Variants in MCF2L2 observed in about 807,000 individuals in gnomAD.
MCF2L2 encodes probable guanine nucleotide exchange factor MCF2L2.
MCF2L2 carries 102 observed loss-of-function variants against 150.2 expected under a neutral mutation model. The ratio of observed to expected loss-of-function variants is 0.68; its 90% CI spans 0.58 to 0.80. The LOEUF (loss-of-function observed/expected upper bound fraction) is 0.80, where lower values mean the gene tolerates loss of function less well. MCF2L2 is among the 30% of genes least tolerant of loss of function. The pLI, the probability that MCF2L2 is intolerant of heterozygous loss-of-function variation, is 0.00. For synonymous variants in MCF2L2, 465 were observed against 491.3 expected, an observed-to-expected ratio of 0.95 and a Z score of 0.71; for missense variants, 1,256 against 1,372.8, an observed-to-expected ratio of 0.91 and a Z score of 1.34.
intron 1 of MCF2L2, among the ~76,000 whole-genome samples, chr3:183,396,220 T>C (rs12490878): frequency 0.37 from 55,593 of 151,852 alleles, 10,533 homozygotes; most frequent in Non-Finnish European, 0.44. Context: ...AAAGAAAATG[T>C]GACCGCATCC....
intron 3 of MCF2L2, among the ~76,000 whole-genome samples, chr3:183,364,346 C>T (rs747769843): frequency 1.3e-5 from 2 of 151,416 alleles, no homozygotes; most frequent in Non-Finnish European, 1.5e-5. Context: ...GAAACCCCGT[C>T]GCTACTAAAA....
chr3:183,272,177 A>G, intron 15 of MCF2L2: 1 of 1,000,278 alleles, frequency 1.0e-6, no homozygotes, highest in Non-Finnish European at 1.2e-6. Flanking sequence ...AATCAAAGAG[A>G]TGTGTCTGAG....
intron 5 of MCF2L2, among the ~76,000 whole-genome samples, chr3:183,323,851 A>AT (rs1729918177): frequency 6.6e-6 from 1 of 151,536 alleles, no homozygotes; most frequent in Non-Finnish European, 1.5e-5. Flanking sequence ...AGTCTCTTCC[A>AT]TTTTTTGCTT....
chr3:183,277,897 A>G (rs1727251093), intron 14 of MCF2L2, among the ~76,000 whole-genome samples: 1 of 151,620 alleles, frequency 6.6e-6, no homozygotes, highest in Non-Finnish European at 1.5e-5. Flanking sequence ...TCAATATATA[A>G]AAGTTGGCCA....
chr3:183,265,182 C>G (rs1012333693), intron 15 of MCF2L2: 1 of 152,206 alleles, frequency 6.6e-6, no homozygotes, highest in Non-Finnish European at 1.5e-5. Flanking sequence ...AGCACCGAAT[C>G]AGAGTGAGGT....
chr3:183,306,948 A>G (rs4577494), intron 10 of MCF2L2, among the ~76,000 whole-genome samples: 165 of 152,308 alleles, frequency 1.1e-3, no homozygotes, highest in Admixed American at 3.7e-3. Flanking sequence ...AAAACCCTGC[A>G]GCAAGTTCTG....
chr3:183,405,575 A>G (rs1577130043), intron 1 of MCF2L2, among the ~76,000 whole-genome samples: 1 of 152,182 alleles, frequency 6.6e-6, no homozygotes, highest in African/African-American at 2.4e-5. Context: ...TGAATCTGAC[A>G]TCTTTATCTT....
intron 22 of MCF2L2, among the ~76,000 whole-genome samples, chr3:183,211,677 G>C (rs1722728666): frequency 6.6e-6 from 1 of 152,202 alleles, no homozygotes; most frequent in Non-Finnish European, 1.5e-5. Context: ...TGATCTCAAG[G>C]TCGGAGACCA....
intron 6 of MCF2L2, among the ~76,000 whole-genome samples, chr3:183,321,396 C>A (rs930486141): frequency 6.7e-6 from 1 of 148,504 alleles, no homozygotes; most frequent in African/African-American, 2.5e-5. Flanking sequence ...TGAGATTGTG[C>A]CACTGCACTC....
chr3:183,250,725 AAG>A (rs1481532862), intron 15 of MCF2L2, among the ~76,000 whole-genome samples: 1 of 152,216 alleles, frequency 6.6e-6, no homozygotes, highest in Non-Finnish European at 1.5e-5. Context: ...GGGGCAGAGA[AAG>A]AGGCGGCGGA....
At chr3:183,319,116 C>T (rs1560019535) in intron 6 of MCF2L2, among the ~76,000 whole-genome samples, 3 of 152,248 alleles carry the variant, frequency 2.0e-5, no homozygotes, top group Admixed American at 6.5e-5. Context: ...TTAATCCTCT[C>T]AAACTCTGCC....
chr3:183,194,888 C>T (rs908505567), intron 26 of MCF2L2, among the ~76,000 whole-genome samples: 2 of 152,018 alleles, frequency 1.3e-5, no homozygotes, highest in Non-Finnish European at 2.9e-5. Context: ...CTCAAGTGAT[C>T]CTCCCACCTC....
intron 1 of MCF2L2, among the ~76,000 whole-genome samples, chr3:183,427,621 G>T (rs1303840879): frequency 6.6e-6 from 1 of 151,928 alleles, no homozygotes; most frequent in Non-Finnish European, 1.5e-5. Flanking sequence ...CTAACGGATG[G>T]TAACAGCCCA....
intron 3 of MCF2L2, among the ~76,000 whole-genome samples, chr3:183,371,404 G>A (rs1487251615): frequency 6.6e-6 from 1 of 151,460 alleles, no homozygotes; most frequent in Admixed American, 6.6e-5. Flanking sequence ...GGTGAGGGGG[G>A]TTTCCAGTTC....
At position 183,369,212 on chromosome 3, in the gene MCF2L2, C is replaced by T. The variant is rs1231133370; in HGVS notation, c.275+10085G>A. 2.0e-5 allele frequency among the ~76,000 whole-genome samples: 3 copies of T among 152,178 alleles called. No individual in the cohort carries two copies. In the East Asian group the frequency reaches 5.8e-4, roughly 29 times the overall value. Reference sequence around the variant, plus strand: ...TGATGGAATGAGCAGTCTTACACGCCTCGTTATCCCCCTCCCTTGCTAACC... The same window carrying T: ...TGATGGAATGAGCAGTCTTACACGCTTCGTTATCCCCCTCCCTTGCTAACC... On this transcript the variant is annotated intron_variant, in intron 3 of 29. Transcript: ENST00000328913.
intron 1 of MCF2L2, among the ~76,000 whole-genome samples, chr3:183,421,005 T>TATGTCATACCAC (rs376481534): frequency 0.15 from 23,042 of 152,162 alleles, 2,648 homozygotes; most frequent in African/African-American, 0.33. Flanking sequence ...TTAGCACTTT[T>TATGTCATACCAC]TGCTTTCTGT....
At position 183,264,145 on chromosome 3, in the gene MCF2L2, C is replaced by T. The variant is rs1027261847; in HGVS notation, c.1862+12727G>A. On this transcript the variant is annotated intron_variant, in intron 15 of 29. Transcript: ENST00000328913. ...TGACTTCCTGCTGCTTTCTGTACCC[C>T]CCTAAGACTCCTCTACCTGATTTTC... is the stretch of plus-strand genomic sequence containing the variant. Among the ~76,000 whole-genome samples the T allele has an allele frequency of 5.3e-5, 8 of 152,200 alleles. 1 individual carries two copies. In the South Asian group the frequency reaches 1.7e-3, roughly 32 times the overall value.
rs547369462 is a variant in MCF2L2, at chr3:183,220,883, T to C, written c.2302-959A>G. 3.9e-5 allele frequency among the ~76,000 whole-genome samples: 6 copies of C among 152,352 alleles called. No individual in the cohort carries two copies. The East Asian group carries it at 1.2e-3, about 29-fold the overall frequency. ...TAATTTCCAAGAGCACATGATTCAT[T>C]AAGCATACTGATCATCTGTTACATA... On this transcript the variant is annotated intron_variant, in intron 20 of 29. Coordinates refer to ENST00000328913, the MANE Select transcript of MCF2L2 (RefSeq NM_015078.4).
At chr3:183,263,641 C>A (rs1270321029) in intron 15 of MCF2L2, among the ~76,000 whole-genome samples, 1 of 152,036 alleles carries the variant, frequency 6.6e-6, no homozygotes, top group Non-Finnish European at 1.5e-5. Context: ...CTCAGAGTAC[C>A]CACCTGGATC....
Sources: gnomAD v4.1 joint callset for allele counts (sites outside exome capture counted in the v4.1 genomes callset) on GRCh38, gnomAD v4.1.1 for gene constraint, MANE v1.5 for transcripts, NCBI Gene and HGNC (gene_info 2026-07-23, HGNC 2026-07-21) for gene names.